The following QSER1 variants were observed in gnomAD, a reference collection of about 807,000 sequenced individuals.
QSER1 encodes glutamine and serine rich 1, also known as glutamine and serine-rich protein 1.
Under a neutral mutation model 158.5 loss-of-function variants are expected in QSER1, and 49 were observed. The observed-to-expected ratio is 0.31, with a 90% CI of 0.25 to 0.39. QSER1 has a LOEUF of 0.39. Ranked by LOEUF, QSER1 falls within the 10% of genes least tolerant of loss-of-function variation. QSER1 has a pLI of 1.00. For missense variants in QSER1, 1,754 were observed against 2,010.3 expected (o/e 0.87, Z 2.44); for synonymous variants, 650 against 715.5 (o/e 0.91, Z 1.46).
At chr11:32,936,390 T>C (rs1852154182) in intron 4 of QSER1, among the ~76,000 whole-genome samples, 1 of 152,222 alleles carries the variant, frequency 6.6e-6, no homozygotes, top group Non-Finnish European at 1.5e-5. Context: ...GGCTGCATAG[T>C]ATTCCATGGT....
intron 2 of QSER1, 132 bp downstream of exon 2, chr11:32,927,401 A>C (rs1396582274): frequency 6.6e-6 from 1 of 152,508 alleles, no homozygotes; most frequent in African/African-American, 2.4e-5. Flanking sequence ...ATGAGAGTAA[A>C]AGCTTGTTTT....
Position 32,973,273 on chromosome 11 carries a change from G to T in QSER1, c.5206-124G>T, listed in dbSNP as rs991090087. ...CACCTCTCTGCAAATAGGTGTTTGT[G>T]TGCACACACACCTCTCTGCAAATAG... On this transcript the variant is annotated intron_variant, in intron 10 of 12. Coordinates refer to ENST00000650167, the MANE Select transcript of QSER1 (RefSeq NM_001076786.3). The T allele has an allele frequency of 2.2e-5, 21 of 958,814 alleles. No homozygotes were observed. The African/African-American group carries it at 3.3e-4, about 15-fold the overall frequency. 59.4% of individuals were successfully genotyped at this position (958,814 alleles called of 1,614,324 possible). A position where few individuals can be genotyped will look rare whatever the true frequency, so the allele number is the denominator to read the frequency against.
intron 1 of QSER1, among the ~76,000 whole-genome samples, chr11:32,924,340 GAT>G (rs1851938899): frequency 6.6e-6 from 1 of 152,016 alleles, no homozygotes; most frequent in South Asian, 2.1e-4. Context: ...AAAGTGGGTA[GAT>G]TGCTTGTTTG....
Position 32,935,157 on chromosome 11 carries a change from G to A in QSER1, c.3899G>A (p.Arg1300Gln), listed in dbSNP as rs765364796. Residue 1300 changes from arginine to glutamine, a missense_variant, in exon 4 of 13, where the codon CGA (arginine) becomes CAA (glutamine). Physicochemically the swap from Arg to Gln is conservative, Grantham distance 43 (BLOSUM62 1). Around this residue, in one of 2 missense-constraint regions of QSER1, gnomAD observed 1,707 missense variants for 1,919.6 expected, o/e 0.89. Transcript: ENST00000650167. ...CAGCAGTTTTCCACTCTTGCTGTAC[G>A]AATGCCTAACAGGACTAGACGGCCA... ...PKQQFSTLAVRMPNRTRRPGT... is the reference protein window; with the variant it reads ...PKQQFSTLAVQMPNRTRRPGT... 6.8e-6 allele frequency: 11 copies of A among 1,613,902 alleles called. No homozygotes were observed. The highest frequency in any genetic ancestry group is 9.3e-6 in the Non-Finnish European group (11 of 1,179,980).
intron 8 of QSER1, among the ~76,000 whole-genome samples, chr11:32,958,818 T>A (rs1278085511): frequency 6.6e-6 from 1 of 152,234 alleles, no homozygotes; most frequent in Non-Finnish European, 1.5e-5. Context: ...CTTACTACTA[T>A]ATATCTGCCA....
At chr11:32,916,233 A>G (rs565908058) in intron 1 of QSER1, among the ~76,000 whole-genome samples, 3 of 152,282 alleles carry the variant, frequency 2.0e-5, no homozygotes, top group Non-Finnish European at 1.5e-5. Flanking sequence ...TACAATTTAC[A>G]TGGATGAGTG....
intron 1 of QSER1, chr11:32,926,568 T>C (rs1276313148): frequency 2.0e-5 from 3 of 152,200 alleles, no homozygotes; most frequent in Non-Finnish European, 2.9e-5. Context: ...GTTTAAAATA[T>C]TCAAAATAAA....
Position 32,966,329 on chromosome 11 carries a change from C to T in QSER1, c.4999C>T (p.Arg1667Cys), listed in dbSNP as rs986670008. The change falls in exon 9 of 13, where the codon CGC becomes TGC. Residue 1667 changes from arginine (R) to cysteine (C), a missense_variant. Physicochemically the swap from Arg to Cys is radical, Grantham distance 180. This residue lies in a region of QSER1 where 1,707 missense variants were observed against 1,919.6 expected (regional missense o/e 0.89). Coordinates refer to ENST00000650167, the MANE Select transcript of QSER1 (RefSeq NM_001076786.3). ...TGAACCTCCCGCTCCCTTTGTCACT[C>T]GCTTTTTGAACACAAGAGCAATGAA... The part of the protein sequence containing the change: ...EFEPPAPFVT[R>C]FLNTRAMKET... 7 of 1,613,816 alleles carry T rather than the reference C, an allele frequency of 4.3e-6. No homozygotes were observed. Among genetic ancestry groups the T allele is most frequent in the South Asian group, 2.2e-5 (2 of 91,060 alleles).
At chr11:32,963,780 G>T (rs945521295) in intron 8 of QSER1, among the ~76,000 whole-genome samples, 1 of 152,136 alleles carries the variant, frequency 6.6e-6, no homozygotes, top group Admixed American at 6.5e-5. Context: ...TTCTCACCTC[G>T]GTCCCCCAAG....
chr11:32,952,559 A>G (rs1236407926), intron 4 of QSER1, among the ~76,000 whole-genome samples: 1 of 152,062 alleles, frequency 6.6e-6, no homozygotes, highest in Non-Finnish European at 1.5e-5. Context: ...ATTAGTCTAT[A>G]GTTTTCTCAT....
At chr11:32,943,693 C>A (rs1345082484) in intron 4 of QSER1, among the ~76,000 whole-genome samples, 1 of 151,292 alleles carries the variant, frequency 6.6e-6, no homozygotes, top group Non-Finnish European at 1.5e-5. Flanking sequence ...GTCTAAAATT[C>A]TCTTTTTTGG....
chr11:32,933,012 T>G lies in QSER1; in HGVS notation c.1754T>G (p.Leu585Arg). Residue 585 changes from leucine (L) to arginine (R), a missense_variant, in exon 4 of 13, where the codon CTT (leucine) becomes CGT (arginine). Physicochemically the swap from Leu to Arg is moderately radical, Grantham distance 102. This residue lies in a region of QSER1 where 1,707 missense variants were observed against 1,919.6 expected (regional missense o/e 0.89). Coordinates refer to ENST00000650167, the MANE Select transcript of QSER1 (RefSeq NM_001076786.3). ...SQSQVLSVVS[L>R]SESYASGESL... ...TCACAAGTTTTGTCAGTTGTTAGTC[T>G]TTCAGAAAGCTATGCTTCAGGGGAG... The G allele has an allele frequency of 6.2e-7, 1 of 1,612,426 alleles. No individual in the cohort carries two copies. Among genetic ancestry groups the G allele is most frequent in the Non-Finnish European group, 8.5e-7 (1 of 1,180,006 alleles).
chr11:32,914,234 T>A (rs1851805835), intron 1 of QSER1, among the ~76,000 whole-genome samples: 1 of 152,324 alleles, frequency 6.6e-6, no homozygotes. Flanking sequence ...CAAAGAACAT[T>A]AGGCTTTATA....
intron 10 of QSER1, among the ~76,000 whole-genome samples, chr11:32,971,924 G>A (rs879307950): frequency 1.3e-5 from 2 of 151,906 alleles, no homozygotes; most frequent in Non-Finnish European, 2.9e-5. Flanking sequence ...TTAGCCGGGC[G>A]TGGTGTCAGG....
Position 32,954,132 on chromosome 11 carries a change from G to A in QSER1, c.4453G>A (p.Glu1485Lys), listed in dbSNP as rs770689041. Residue 1485 changes from glutamate to lysine, a missense_variant, in exon 5 of 13, where the codon GAG (glutamate) becomes AAG (lysine). Around this residue, in one of 2 missense-constraint regions of QSER1, gnomAD observed 1,707 missense variants for 1,919.6 expected, o/e 0.89. Coordinates refer to ENST00000650167, the MANE Select transcript of QSER1 (RefSeq NM_001076786.3). Reference sequence around the variant, plus strand: ...AAGCGGAGGAGAAGGCCAATACAGAGAGCGTGATGAATTTGTGGTAAAGAT... The same window carrying A: ...AAGCGGAGGAGAAGGCCAATACAGAAAGCGTGATGAATTTGTGGTAAAGAT... ...TESGGEGQYRERDEFVVKIED... is the reference protein window; with the variant it reads ...TESGGEGQYRKRDEFVVKIED... 1.4e-5 allele frequency: 22 copies of A among 1,613,808 alleles called. No homozygotes were observed. The highest frequency in any genetic ancestry group is 2.7e-5 in the African/African-American group (2 of 74,930).
At chr11:32,904,367 T>G (rs1272717194) in intron 1 of QSER1, among the ~76,000 whole-genome samples, 1 of 152,030 alleles carries the variant, frequency 6.6e-6, no homozygotes, top group Non-Finnish European at 1.5e-5. Flanking sequence ...GATTTTTGTA[T>G]TTTTAGTAGA....
chr11:32,923,908 C>T (rs1458260405), intron 1 of QSER1, among the ~76,000 whole-genome samples: 1 of 151,974 alleles, frequency 6.6e-6, no homozygotes, highest in Non-Finnish European at 1.5e-5. Context: ...GTGGAGGTTG[C>T]AGTGAACTGA....
intron 4 of QSER1, among the ~76,000 whole-genome samples, chr11:32,945,822 T>G (rs1852321884): frequency 6.6e-6 from 1 of 152,122 alleles, no homozygotes; most frequent in Non-Finnish European, 1.5e-5. Context: ...GATAATACCC[T>G]GCAGAGTGTT....
At chr11:32,964,573 C>A (rs918621731) in intron 8 of QSER1, among the ~76,000 whole-genome samples, 5 of 151,722 alleles carry the variant, frequency 3.3e-5, no homozygotes, top group Non-Finnish European at 5.9e-5. Flanking sequence ...AAAATACATA[C>A]ACCTACTATA....
Sources: gnomAD v4.1 joint callset for allele counts (sites outside exome capture counted in the v4.1 genomes callset) on GRCh38, gnomAD v4.1.1 for gene constraint, gnomAD v4.1.1 regional missense constraint, MANE v1.5 for transcripts, NCBI Gene and HGNC (gene_info 2026-07-23, HGNC 2026-07-21) for gene names.